The following ZNF892 variants were observed in gnomAD, a reference collection of about 807,000 sequenced individuals.
ZNF892 encodes zinc finger protein 892.
chr2:95,206,840 G>A, the ZNF892 span, among the ~76,000 whole-genome samples: 1 of 152,166 alleles, frequency 6.6e-6, no homozygotes, highest in African/African-American at 2.4e-5. Flanking sequence ...GAGTTTGTCC[G>A]GCTTTCCCAG....
At chr2:95,228,716 G>GGA in the ZNF892 span, among the ~76,000 whole-genome samples, 8 of 152,206 alleles carry the variant, frequency 5.3e-5, no homozygotes, top group East Asian at 1.2e-3. Flanking sequence ...ATTTAGTGCA[G>GGA]GCATTCTCAT....
the ZNF892 span, among the ~76,000 whole-genome samples, chr2:95,237,051 G>A: frequency 1.3e-5 from 2 of 151,500 alleles, no homozygotes; most frequent in East Asian, 1.9e-4. Context: ...TGCTCCCTTC[G>A]TGTCTCTGTG....
chr2:95,242,880 C>T, the ZNF892 span, among the ~76,000 whole-genome samples: 5 of 152,160 alleles, frequency 3.3e-5, no homozygotes, highest in East Asian at 7.7e-4. Flanking sequence ...TCTCTTTCCA[C>T]GGTCTCCCTC....
At chr2:95,249,231 A>ATTTTTTT in the ZNF892 span, among the ~76,000 whole-genome samples, 2 of 57,110 alleles carry the variant, frequency 3.5e-5, no homozygotes, top group Admixed American at 3.2e-4. Context: ...ATATATATAT[A>ATTTTTTT]TTTTTTTTTT....
At chr2:95,234,517 A>G in the ZNF892 span, among the ~76,000 whole-genome samples, 1 of 152,164 alleles carries the variant, frequency 6.6e-6, no homozygotes, top group Non-Finnish European at 1.5e-5. Flanking sequence ...GTCTGTTAGC[A>G]TTTGATCATG....
At chr2:95,207,681 C>T in the ZNF892 span, 2 of 396,654 alleles carry the variant, frequency 5.0e-6, no homozygotes, top group African/African-American at 2.1e-5. Context: ...AGGAGGGTGG[C>T]GGGAGGACCC....
At chr2:95,243,263 G>A in the ZNF892 span, among the ~76,000 whole-genome samples, 8 of 152,114 alleles carry the variant, frequency 5.3e-5, no homozygotes, top group African/African-American at 7.2e-5. Context: ...GCCTCTGCCC[G>A]GCCGCCACCC....
the ZNF892 span, among the ~76,000 whole-genome samples, chr2:95,238,688 GA>G: frequency 1.3e-5 from 2 of 152,204 alleles, no homozygotes; most frequent in Non-Finnish European, 2.9e-5. Flanking sequence ...ATGCCATCAA[GA>G]ACATTCGTGA....
the ZNF892 span, chr2:95,208,530 T>C: frequency 2.5e-6 from 1 of 397,282 alleles, no homozygotes; most frequent in Non-Finnish European, 4.4e-6. Flanking sequence ...TATTATGCGA[T>C]TTTCGTTTGG....
the ZNF892 span, among the ~76,000 whole-genome samples, chr2:95,219,976 C>T: frequency 6.6e-6 from 1 of 152,134 alleles, no homozygotes; most frequent in Admixed American, 6.6e-5. Flanking sequence ...AGGGTAACAT[C>T]ATTACTATTG....
the ZNF892 span, among the ~76,000 whole-genome samples, chr2:95,249,197 G>T: frequency 2.7e-5 from 3 of 112,608 alleles, no homozygotes; most frequent in Admixed American, 9.5e-5. Flanking sequence ...GATTTTATAT[G>T]TATATATGTA....
chr2:95,252,488 T>A, the ZNF892 span, among the ~76,000 whole-genome samples: 25 of 152,160 alleles, frequency 1.6e-4, no homozygotes, highest in Non-Finnish European at 3.1e-4. Flanking sequence ...TCTATCATTG[T>A]TGGACATTTG....
chr2:95,220,564 G>GT, the ZNF892 span, among the ~76,000 whole-genome samples: 2 of 152,164 alleles, frequency 1.3e-5, no homozygotes, highest in African/African-American at 4.8e-5. Context: ...TTTAGTTGTA[G>GT]TTAGTGAGAG....
the ZNF892 span, among the ~76,000 whole-genome samples, chr2:95,261,552 C>T: frequency 6.6e-6 from 1 of 152,226 alleles, no homozygotes; most frequent in African/African-American, 2.4e-5. Context: ...GCCTCAGCCT[C>T]CCAAAGTGCT....
the ZNF892 span, among the ~76,000 whole-genome samples, chr2:95,209,191 A>G: frequency 6.6e-6 from 1 of 152,162 alleles, no homozygotes; most frequent in African/African-American, 2.4e-5. Flanking sequence ...TTGAAAAACA[A>G]GAGAGAGTGG....
chr2:95,216,806 C>T, the ZNF892 span, among the ~76,000 whole-genome samples: 1 of 152,076 alleles, frequency 6.6e-6, no homozygotes, highest in African/African-American at 2.4e-5. Flanking sequence ...AGATTTTCAG[C>T]CCTCATCTCT....
chr2:95,254,457 T>C, the ZNF892 span, among the ~76,000 whole-genome samples: 1 of 152,222 alleles, frequency 6.6e-6, no homozygotes, highest in Non-Finnish European at 1.5e-5. Context: ...GATAAGCTTT[T>C]TGATATGCTG....
the ZNF892 span, among the ~76,000 whole-genome samples, chr2:95,226,114 C>A: frequency 6.6e-6 from 1 of 152,202 alleles, no homozygotes; most frequent in Non-Finnish European, 1.5e-5. Flanking sequence ...GGCTCTGATC[C>A]CACAGTTCCA....
At chr2:95,220,263 G>C in the ZNF892 span, among the ~76,000 whole-genome samples, 1 of 152,042 alleles carries the variant, frequency 6.6e-6, no homozygotes, top group Non-Finnish European at 1.5e-5. Flanking sequence ...TTTGAAGTAG[G>C]ATTGTGGTTT....
Sources: allele counts gnomAD v4.1 joint callset (sites outside exome capture counted in the v4.1 genomes callset), GRCh38; gene constraint gnomAD v4.1.1; transcripts MANE v1.5; gene names NCBI Gene and HGNC (gene_info 2026-07-23, HGNC 2026-07-21).